ADAR: variants seen among roughly 807,000 people sequenced by gnomAD.
ADAR encodes adenosine deaminase RNA specific.
A neutral mutation model predicts 113.2 loss-of-function variants in ADAR; 41 were observed. That is an observed-to-expected ratio of 0.36 (90% CI 0.28 to 0.47). The LOEUF (loss-of-function observed/expected upper bound fraction) is 0.47, where lower values mean the gene tolerates loss of function less well. Ranked by LOEUF, ADAR falls within the 20% of genes least tolerant of loss-of-function variation. The probability of loss-of-function intolerance (pLI) is 1.00; values close to 1 mark genes in which losing one functional copy is unlikely to be tolerated. For synonymous variants in ADAR, 605 were observed against 572.6 expected (o/e 1.06, Z -0.81); for missense variants, 1,242 against 1,540.9 (o/e 0.81, Z 3.25).
At chr1:154,599,480 C>A (rs899120119) in intron 2 of ADAR, among the ~76,000 whole-genome samples, 7 of 152,252 alleles carry the variant, frequency 4.6e-5, no homozygotes, top group African/African-American at 1.4e-4. Flanking sequence ...AACAATCCAG[C>A]TCTGGCCTTG....
At chr1:154,618,511 G>GT (rs1051996906) in intron 1 of ADAR, among the ~76,000 whole-genome samples, 3 of 152,098 alleles carry the variant, frequency 2.0e-5, no homozygotes, top group Non-Finnish European at 4.4e-5. Flanking sequence ...AAACAAAACA[G>GT]TTTTTTAAAA....
chr1:154,601,768 CAAG>C lies in ADAR; in HGVS notation c.871_873del (p.Leu291del). 6.2e-7 allele frequency: 1 copy of C among 1,614,220 alleles called. No homozygotes were observed. Among genetic ancestry groups the C allele is most frequent in the Non-Finnish European group, 8.5e-7 (1 of 1,180,052 alleles). ...TTGATCTCGGCCATGTCTAAAAACT[CAAG>C]AGGATCTTCCAAGGCAGATGTGGAG... On this transcript the variant is annotated inframe_deletion, in exon 2 of 15. Transcript: ENST00000368474. This position sits in a 1 kb window ranked among gnomAD's most constrained non-coding sequence, Gnocchi z 4.7.
At chr1:154,617,264 C>T (rs1253180424) in intron 1 of ADAR, among the ~76,000 whole-genome samples, 1 of 152,208 alleles carries the variant, frequency 6.6e-6, no homozygotes, top group Non-Finnish European at 1.5e-5. Context: ...CATTGCCACC[C>T]TCAAGGCTTA....
Position 154,597,133 on chromosome 1 carries a change from G to A in ADAR, c.2069C>T (p.Ser690Phe), listed in dbSNP as rs1697555171. ...LHGEATNSMA[S>F]DNQPEGMISE... ...AGGAAAACGCCCTACCTGGTTATCA[G>A]AAGCCATGGAGTTGGTCGCCTCCCC... Residue 690 changes from serine to phenylalanine, a missense_variant, in exon 5 of 15, where the codon TCT becomes TTT. By Grantham distance (155) the Ser-to-Phe change is radical. Transcript: ENST00000368474. The A allele has an allele frequency of 1.9e-6, 3 of 1,614,178 alleles. No homozygotes were observed. Among genetic ancestry groups the A allele is most frequent in the Middle Eastern group, 1.6e-4 (1 of 6,062 alleles).
intron 13 of ADAR, 88 bp downstream of exon 13, chr1:154,585,665 C>A: frequency 1.7e-6 from 2 of 1,178,794 alleles, no homozygotes; most frequent in Non-Finnish European, 2.5e-6. Flanking sequence ...CAATGTTCCC[C>A]TTGCCCACAG....
chr1:154,589,262 A>C, intron 9 of ADAR, 107 bp downstream of exon 9: 1 of 872,198 alleles, frequency 1.1e-6, no homozygotes, highest in Non-Finnish European at 1.9e-6. Context: ...CCACATCATG[A>C]CCCGTCTGTC....
At chr1:154,619,001 T>C (rs1399862841) in intron 1 of ADAR, among the ~76,000 whole-genome samples, 1 of 152,038 alleles carries the variant, frequency 6.6e-6, no homozygotes, top group African/African-American at 2.4e-5. Flanking sequence ...TCCCAGCTAC[T>C]AGTGGGGCAG....
At chr1:154,600,005 T>C (rs1697758724) in intron 2 of ADAR, among the ~76,000 whole-genome samples, 1 of 152,052 alleles carries the variant, frequency 6.6e-6, no homozygotes, top group African/African-American at 2.4e-5. Context: ...ACCCCCACTG[T>C]GTATGCAGCC....
rs561218662 is a variant in ADAR at position 154,588,894 on chromosome 1, C to T, written c.2763-221G>A. On this transcript the variant is annotated intron_variant, in intron 9 of 14. Coordinates refer to ENST00000368474, the MANE Select transcript of ADAR (RefSeq NM_001111.5). Reference sequence around the variant, plus strand: ...TTCTGCTGAGGGCTCCTCGCTATGGCGGCTACAGGGATTCTAGAGCAGAGC... The same window carrying T: ...TTCTGCTGAGGGCTCCTCGCTATGGTGGCTACAGGGATTCTAGAGCAGAGC... Among the ~76,000 whole-genome samples the T allele has an allele frequency of 4.6e-5, 7 of 152,316 alleles. No homozygotes were observed. The East Asian group carries it at 7.7e-4, about 17-fold the overall frequency.
chr1:154,590,031 T>G (rs1410937379), intron 7 of ADAR, 103 bp from the exon 8 acceptor site: 19 of 1,523,940 alleles, frequency 1.2e-5, no homozygotes, highest in Non-Finnish European at 1.7e-5. Context: ...GTGAGTCATC[T>G]TTTCCTTCTT....
chr1:154,598,284 T>A (rs548178915), intron 3 of ADAR, 118 bp downstream of exon 3: 18 of 1,145,366 alleles, frequency 1.6e-5, no homozygotes, highest in Non-Finnish European at 2.2e-5. Flanking sequence ...GAGGGAAGAG[T>A]GGGAAGCTGA....
At chr1:154,591,835 T>C (rs1280574992) in intron 6 of ADAR, among the ~76,000 whole-genome samples, 2 of 152,204 alleles carry the variant, frequency 1.3e-5, no homozygotes, top group East Asian at 3.8e-4. Context: ...CTCTTTTCTT[T>C]GTCCATGCTG....
rs755915771 is a variant in ADAR, at chr1:154,598,485, T to C, written c.1702A>G (p.Ile568Val). The change falls in exon 3 of 15, where the codon ATT becomes GTT. Residue 568 changes from isoleucine (I) to valine (V), a missense_variant. Physicochemically the swap from Ile to Val is conservative, Grantham distance 29. This residue lies in a region of ADAR where 780 missense variants were observed against 1,057.9 expected (regional missense o/e 0.74). Coordinates refer to ENST00000368474, the MANE Select transcript of ADAR (RefSeq NM_001111.5). The part of the protein sequence containing the change: ...KQDAAMKAMT[I>V]LLEEAKAKDS... Reference sequence around the variant, plus strand: ...TTGGCTTTGGCTTCCTCTAGCAGAATTGTCATGGCTTTCATAGCTGCATCC... The same window carrying C: ...TTGGCTTTGGCTTCCTCTAGCAGAACTGTCATGGCTTTCATAGCTGCATCC... The C allele has an allele frequency of 1.2e-5, 19 of 1,614,106 alleles. No homozygotes were observed. The highest frequency in any genetic ancestry group is 4.5e-5 in the East Asian group (2 of 44,900).
intron 1 of ADAR, chr1:154,627,760 G>T: frequency 2.1e-6 from 1 of 469,370 alleles, no homozygotes; most frequent in South Asian, 1.5e-5. Context: ...GCGCCCCCAC[G>T]CTTCCTCTAA....
chr1:154,605,500 CTA>C (rs1392157714), intron 1 of ADAR, among the ~76,000 whole-genome samples: 1 of 151,258 alleles, frequency 6.6e-6, no homozygotes, highest in African/African-American at 2.4e-5. Context: ...ATTAGGTGTC[CTA>C]TAAGTTATAC....
Position 154,583,030 on chromosome 1 carries a change from A to C in ADAR, c.*1776T>G, listed in dbSNP as rs1696509777. On this transcript the variant is annotated 3_prime_UTR_variant, in exon 15 of 15. Coordinates refer to ENST00000368474, the MANE Select transcript of ADAR (RefSeq NM_001111.5). Reference sequence around the variant, plus strand: ...TACAGAGAGCATAGAATAAAAGCAAAGATGTGAATGTCTCTACCAGACAGA... The same window carrying C: ...TACAGAGAGCATAGAATAAAAGCAACGATGTGAATGTCTCTACCAGACAGA... 1 of 152,252 alleles carries C rather than the reference A, an allele frequency of 6.6e-6. No individual in the cohort carries two copies. The highest frequency in any genetic ancestry group is 2.4e-5 in the African/African-American group (1 of 41,470). 9.4% of individuals were successfully genotyped at this position (152,252 alleles called of 1,614,324 possible).
chr1:154,603,679 T>C (rs1698022637), intron 1 of ADAR, among the ~76,000 whole-genome samples: 1 of 152,090 alleles, frequency 6.6e-6, no homozygotes, highest in African/African-American at 2.4e-5. Context: ...CCAGGGCTGT[T>C]CACTGGAGGG....
chr1:154,585,102 T>A, intron 14 of ADAR, 59 bp from the exon 15 acceptor site: 1 of 1,611,406 alleles, frequency 6.2e-7, no homozygotes, highest in Non-Finnish European at 8.5e-7. Context: ...GAGCTCACAG[T>A]GGAGACACCG....
At chr1:154,585,388 G>A (rs772681841) in intron 13 of ADAR, 44 bp from the exon 14 acceptor site, 1 of 1,613,600 alleles carries the variant, frequency 6.2e-7, no homozygotes, top group Admixed American at 1.7e-5. Flanking sequence ...AAACCTTTCA[G>A]GAATAAGATT....
Sources: gnomAD v4.1 joint callset for allele counts (sites outside exome capture counted in the v4.1 genomes callset) on GRCh38, gnomAD v4.1.1 for gene constraint, gnomAD v4.1.1 regional missense constraint, Gnocchi (gnomAD v3.1) non-coding constraint, MANE v1.5 for transcripts, NCBI Gene and HGNC (gene_info 2026-07-23, HGNC 2026-07-21) for gene names.